FAAH2: variants seen among roughly 807,000 people sequenced by gnomAD.
The protein encoded by FAAH2 is fatty-acid amide hydrolase 2.
A neutral mutation model predicts 36.9 loss-of-function variants in FAAH2; 60 were observed. The ratio of observed to expected loss-of-function variants is 1.63; its 90% CI spans 1.32 to 2.02. The LOEUF (loss-of-function observed/expected upper bound fraction) is 2.02. FAAH2 is among the 30% of genes most tolerant of loss of function. The pLI is 0.00. For missense variants in FAAH2, 689 were observed against 397.5 expected, an observed-to-expected ratio of 1.73 and a Z score of -6.23; for synonymous variants, 214 against 143.8, an observed-to-expected ratio of 1.49 and a Z score of -3.49.
At chrX:57,220,548 CCTT>C in the FAAH2 span, among the ~76,000 whole-genome samples, 1 of 112,105 alleles carries the variant, frequency 8.9e-6, no homozygotes, top group African/African-American at 3.2e-5. Context: ...CACAACAAGT[CCTT>C]CTTAATTTAG....
chrX:57,275,385 G>A, the FAAH2 span, among the ~76,000 whole-genome samples: 7 of 112,210 alleles, frequency 6.2e-5, no homozygotes, highest in Non-Finnish European at 1.3e-4. Context: ...TCTAGGGTTG[G>A]GCTCCAGTTC....
At chrX:57,266,950 A>G in the FAAH2 span, among the ~76,000 whole-genome samples, 3 of 112,402 alleles carry the variant, frequency 2.7e-5, no homozygotes, top group Admixed American at 9.3e-5. Flanking sequence ...TCTGCAGGGC[A>G]GCCTTGCACA....
intron 7 of FAAH2, among the ~76,000 whole-genome samples, chrX:57,416,700 G>T (rs1407352088): frequency 9.0e-6 from 1 of 111,468 alleles, no homozygotes; most frequent in Non-Finnish European, 1.9e-5. Context: ...TGACGATTAT[G>T]TGTCTTGGGG....
chrX:57,456,411 G>A (rs576302444), intron 10 of FAAH2, among the ~76,000 whole-genome samples: 14 of 111,100 alleles, frequency 1.3e-4, no homozygotes, highest in Non-Finnish European at 1.9e-4. Context: ...ATCCAACTCC[G>A]AATAAAGTAG....
chrX:57,276,528 G>A, the FAAH2 span, among the ~76,000 whole-genome samples: 1 of 111,135 alleles, frequency 9.0e-6, no homozygotes, highest in Non-Finnish European at 1.9e-5. Flanking sequence ...AGAAGCAAGA[G>A]CAAACAAATT....
chrX:57,273,761 G>T, the FAAH2 span, among the ~76,000 whole-genome samples: 2 of 111,819 alleles, frequency 1.8e-5, no homozygotes, highest in African/African-American at 6.5e-5. Flanking sequence ...ATTTAAGGCA[G>T]TGTTTAGAGG....
chrX:57,405,205 C>T (rs1267743560), intron 7 of FAAH2, among the ~76,000 whole-genome samples: 8 of 111,410 alleles, frequency 7.2e-5, no homozygotes, highest in South Asian at 3.8e-4. Context: ...CAAATGTTAC[C>T]GGGGGATCCT....
the FAAH2 span, among the ~76,000 whole-genome samples, chrX:57,273,226 A>G: frequency 8.9e-6 from 1 of 111,921 alleles, no homozygotes; most frequent in African/African-American, 3.2e-5. Flanking sequence ...TCCTAAATAT[A>G]TATGCACCCA....
At chrX:57,184,846 T>C in the FAAH2 span, among the ~76,000 whole-genome samples, 100 of 112,284 alleles carry the variant, frequency 8.9e-4, no homozygotes, top group Middle Eastern at 4.6e-3. Flanking sequence ...GTCTTTTTTT[T>C]CCCCTACAGA....
chrX:57,167,193 C>G, the FAAH2 span, among the ~76,000 whole-genome samples: 3 of 111,646 alleles, frequency 2.7e-5, no homozygotes, highest in East Asian at 8.5e-4. Context: ...TTAGATTTCT[C>G]TGACCACACT....
intron 1 of FAAH2, among the ~76,000 whole-genome samples, chrX:57,288,114 G>T (rs1030917718): frequency 5.4e-5 from 6 of 110,234 alleles, no homozygotes; most frequent in Non-Finnish European, 9.5e-5. Flanking sequence ...AATTACTTTT[G>T]CACCAACCTA....
intron 3 of FAAH2, among the ~76,000 whole-genome samples, chrX:57,314,237 G>GA (rs2052773433): frequency 9.0e-6 from 1 of 111,484 alleles, no homozygotes; most frequent in Non-Finnish European, 1.9e-5. Flanking sequence ...CAGATTCACA[G>GA]AAAAAATCTT....
rs1444726619 is a variant in FAAH2 at position 57,488,810 on chromosome X, G to A, written c.1477G>A (p.Ala493Thr). The A allele has an allele frequency of 5.0e-6, 6 of 1,211,364 alleles. No individual in the cohort carries two copies. The highest frequency in any genetic ancestry group is 1.8e-5 in the South Asian group (1 of 56,923). ...PVTQCPLGLNAKGLPLGIQVV... is the reference protein window; with the variant it reads ...PVTQCPLGLNTKGLPLGIQVV... Reference sequence around the variant, plus strand: ...GACCCAATGCCCACTGGGACTGAATGCCAAAGGACTCCCTTTAGGCATCCA... The same window carrying A: ...GACCCAATGCCCACTGGGACTGAATACCAAAGGACTCCCTTTAGGCATCCA... Residue 493 changes from alanine to threonine, a missense_variant, in exon 11 of 11, where the codon GCC becomes ACC. By Grantham distance (58) the Ala-to-Thr change is moderately conservative (BLOSUM62 0). Coordinates refer to ENST00000374900, the MANE Select transcript of FAAH2 (RefSeq NM_174912.4).
At chrX:57,279,102 G>A in the FAAH2 span, among the ~76,000 whole-genome samples, 1 of 111,704 alleles carries the variant, frequency 9.0e-6, no homozygotes, top group African/African-American at 3.3e-5. Flanking sequence ...CCCATTACTG[G>A]GTATATACCC....
chrX:57,154,983 G>T, the FAAH2 span, among the ~76,000 whole-genome samples: 1 of 111,243 alleles, frequency 9.0e-6, no homozygotes, highest in Admixed American at 9.6e-5. Context: ...CAGGCTCCAG[G>T]TTGGTACTGG....
intron 7 of FAAH2, among the ~76,000 whole-genome samples, chrX:57,400,650 C>G (rs753471577): frequency 2.3e-4 from 26 of 112,603 alleles, no homozygotes; most frequent in Non-Finnish European, 3.9e-4. Context: ...TGCCAAGGAA[C>G]CCTCTTAGTT....
chrX:57,141,516 T>C, the FAAH2 span, among the ~76,000 whole-genome samples: 1 of 111,895 alleles, frequency 8.9e-6, no homozygotes, highest in African/African-American at 3.2e-5. Context: ...GTATTAGTTC[T>C]TCCTTAAATT....
chrX:57,299,930 C>T (rs753233933), intron 2 of FAAH2, among the ~76,000 whole-genome samples: 4 of 111,147 alleles, frequency 3.6e-5, no homozygotes, highest in African/African-American at 1.3e-4. Flanking sequence ...AGGAGAACTA[C>T]AAACCACTGC....
chrX:57,196,288 G>A, the FAAH2 span, among the ~76,000 whole-genome samples: 1 of 111,529 alleles, frequency 9.0e-6, no homozygotes, highest in Non-Finnish European at 1.9e-5. Flanking sequence ...TCCTTGGTTA[G>A]GTATATTTGT....
Sources: allele counts gnomAD v4.1 joint callset (sites outside exome capture counted in the v4.1 genomes callset), GRCh38; gene constraint gnomAD v4.1.1; transcripts MANE v1.5; gene names NCBI Gene and HGNC (gene_info 2026-07-23, HGNC 2026-07-21).